Variants in DIS3L2 observed in about 807,000 individuals in gnomAD.
DIS3L2 encodes the protein DIS3 like 3'-5' exoribonuclease 2, also known as DIS3-like exonuclease 2.
DIS3L2 carries 34 observed loss-of-function variants against 97.5 expected under a neutral mutation model. That is an observed-to-expected ratio of 0.35 (90% CI 0.27 to 0.46). DIS3L2 has a LOEUF of 0.46. DIS3L2 is among the 20% of genes least tolerant of loss of function. The pLI is 1.00. For missense variants in DIS3L2, 1,038 were observed against 1,146.0 expected (o/e 0.91, Z 1.36); for synonymous variants, 435 against 445.2 (o/e 0.98, Z 0.29).
chr2:232,308,491 T>A (rs924833635), intron 14 of DIS3L2, among the ~76,000 whole-genome samples: 1 of 152,240 alleles, frequency 6.6e-6, no homozygotes, highest in Non-Finnish European at 1.5e-5. Context: ...GCTACTGGAC[T>A]CATTTTGGGA....
At chr2:232,020,516 G>A (rs1694483999) in intron 3 of DIS3L2, among the ~76,000 whole-genome samples, 4 of 152,164 alleles carry the variant, frequency 2.6e-5, no homozygotes, top group Admixed American at 2.6e-4. Flanking sequence ...TGAGCAGCTG[G>A]CTGGATGATG....
intron 7 of DIS3L2, among the ~76,000 whole-genome samples, chr2:232,133,374 C>T (rs1225205344): frequency 6.6e-6 from 1 of 152,154 alleles, no homozygotes; most frequent in African/African-American, 2.4e-5. Context: ...AACTACAGCC[C>T]ACAAAAGTAG....
intron 14 of DIS3L2, among the ~76,000 whole-genome samples, chr2:232,326,162 TCCCCATC>T (rs1200974840): frequency 2.8e-4 from 42 of 152,048 alleles, no homozygotes; most frequent in Non-Finnish European, 1.5e-5. Flanking sequence ...AGCTGGAGCC[TCCCCATC>T]CCAGGACCTT....
Position 231,981,598 on chromosome 2 carries a change from TTATATATATATATATATA to T in DIS3L2, c.-94+19855_-94+19872del, listed in dbSNP as rs10669283. The stretch of plus-strand genomic sequence containing the variant: ...CAGTAATGTTATACTGTTAAGTATT[TTATATATATATATATATA>T]TATATATATATATATATATATGAGA... On this transcript the variant is annotated intron_variant, in intron 1 of 20. Coordinates refer to ENST00000325385, the MANE Select transcript of DIS3L2 (RefSeq NM_152383.5). Among the ~76,000 whole-genome samples the T allele has an allele frequency of 3.8e-4, 32 of 84,056 alleles. 1 individual carries two copies. The highest frequency in any genetic ancestry group is 1.2e-3 in the Admixed American group (8 of 6,600). 55.1% of individuals were successfully genotyped at this position (84,056 alleles called of 152,430 possible).
intron 13 of DIS3L2, among the ~76,000 whole-genome samples, chr2:232,285,235 C>T (rs1387893648): frequency 6.6e-6 from 1 of 152,152 alleles, no homozygotes; most frequent in Non-Finnish European, 1.5e-5. Flanking sequence ...AGCTGTGTGA[C>T]TGGGCCACAA....
intron 14 of DIS3L2, among the ~76,000 whole-genome samples, chr2:232,322,616 G>A (rs376115470): frequency 4.6e-5 from 7 of 152,220 alleles, no homozygotes; most frequent in African/African-American, 7.2e-5. Context: ...CCTGGCAGCC[G>A]TTTGGGCAGG....
chr2:232,211,766 A>G (rs1269033238), intron 10 of DIS3L2, among the ~76,000 whole-genome samples: 55 of 152,246 alleles, frequency 3.6e-4, no homozygotes, highest in Non-Finnish European at 1.6e-4. Flanking sequence ...CTTAGTAGAT[A>G]GAAGGCTGAG....
chr2:232,235,975 C>G (rs1165634314), intron 10 of DIS3L2, among the ~76,000 whole-genome samples: 1 of 152,196 alleles, frequency 6.6e-6, no homozygotes, highest in Admixed American at 6.5e-5. Context: ...AGACAGCCCT[C>G]TCCTCTGTGG....
intron 13 of DIS3L2, among the ~76,000 whole-genome samples, chr2:232,274,167 G>A (rs75733224): frequency 0.084 from 12,756 of 152,120 alleles, 699 homozygotes; most frequent in African/African-American, 0.15. Flanking sequence ...AACTTCCAGG[G>A]GTGAGCAGAA....
At chr2:232,118,604 C>T (rs1697798179) in intron 6 of DIS3L2, among the ~76,000 whole-genome samples, 1 of 152,200 alleles carries the variant, frequency 6.6e-6, no homozygotes, top group Non-Finnish European at 1.5e-5. Context: ...CTTCTTTCCA[C>T]CCTTTGAAAC....
intron 9 of DIS3L2, among the ~76,000 whole-genome samples, chr2:232,205,710 C>G (rs1692010798): frequency 6.6e-6 from 1 of 152,140 alleles, no homozygotes; most frequent in African/African-American, 2.4e-5. Context: ...TAAATAAAAT[C>G]TCCTAGAGGC....
At chr2:232,011,424 G>T (rs1353092840) in intron 1 of DIS3L2, among the ~76,000 whole-genome samples, 1 of 151,272 alleles carries the variant, frequency 6.6e-6, no homozygotes, top group East Asian at 1.9e-4. Context: ...CACAATCTCA[G>T]CTCACTGCAA....
At chr2:231,997,260 C>T (rs540458311) in intron 1 of DIS3L2, among the ~76,000 whole-genome samples, 95 of 152,358 alleles carry the variant, frequency 6.2e-4, no homozygotes, top group Non-Finnish European at 7.8e-4. Flanking sequence ...TTCTCAAGAG[C>T]TTTAACCAAC....
chr2:232,128,255 C>T (rs775425479), intron 6 of DIS3L2, among the ~76,000 whole-genome samples: 1 of 151,994 alleles, frequency 6.6e-6, no homozygotes, highest in African/African-American at 2.4e-5. Context: ...CATGCCCACC[C>T]TATAATTTTA....
chr2:232,109,435 A>G (rs1360326022), intron 6 of DIS3L2, among the ~76,000 whole-genome samples: 1 of 152,114 alleles, frequency 6.6e-6, no homozygotes, highest in Non-Finnish European at 1.5e-5. Context: ...AGCGAGACTC[A>G]GTCTCAAAAA....
intron 13 of DIS3L2, among the ~76,000 whole-genome samples, chr2:232,272,024 C>T (rs1225488103): frequency 3.3e-5 from 5 of 152,160 alleles, no homozygotes; most frequent in South Asian, 2.1e-4. Flanking sequence ...GGCTTGTTCA[C>T]GAGTGCATAA....
intron 5 of DIS3L2, among the ~76,000 whole-genome samples, chr2:232,039,095 A>G (rs978465398): frequency 1.3e-5 from 2 of 152,106 alleles, no homozygotes; most frequent in African/African-American, 4.8e-5. Flanking sequence ...TGGCTGCCTG[A>G]CAATTGCTTT....
chr2:232,174,585 CAAAAAAAAA>C (rs60698530), intron 9 of DIS3L2, among the ~76,000 whole-genome samples: 2 of 83,970 alleles, frequency 2.4e-5, no homozygotes. Flanking sequence ...GACTCCACCT[CAAAAAAAAA>C]AAAAAAAAAA....
intron 5 of DIS3L2, among the ~76,000 whole-genome samples, chr2:232,075,064 A>T (rs567593484): frequency 7.2e-4 from 110 of 152,298 alleles, no homozygotes; most frequent in African/African-American, 2.5e-3. Context: ...TGTGTCAGGG[A>T]TGGGAGCTGT....
Sources: gnomAD v4.1 joint callset for allele counts (sites outside exome capture counted in the v4.1 genomes callset) on GRCh38, gnomAD v4.1.1 for gene constraint, MANE v1.5 for transcripts, NCBI Gene and HGNC (gene_info 2026-07-23, HGNC 2026-07-21) for gene names.